MS4A1: variants seen among roughly 807,000 people sequenced by gnomAD.
MS4A1 encodes the protein B-lymphocyte antigen CD20.
In MS4A1, 16 loss-of-function variants were observed where a neutral mutation model predicts 26.5. That is an observed-to-expected ratio of 0.60 (90% CI 0.41 to 0.92). The LOEUF (loss-of-function observed/expected upper bound fraction) is 0.92, where lower values mean the gene tolerates loss of function less well. Among genes scored for constraint, MS4A1 ranks in the 40% least tolerant of loss-of-function variants. The pLI is 0.00. For synonymous variants in MS4A1, 128 were observed against 117.6 expected, an observed-to-expected ratio of 1.09 and a Z score of -0.57; for missense variants, 350 against 353.0, an observed-to-expected ratio of 0.99 and a Z score of 0.07.
chr11:60,466,923 T>C (rs761702863), intron 6 of MS4A1, 36 bp from the exon 7 acceptor site: 4 of 1,582,924 alleles, frequency 2.5e-6, no homozygotes, highest in Admixed American at 1.7e-5. Flanking sequence ...TGTGCCATTA[T>C]TACATTTTCA....
chr11:60,464,860 A>C (rs1404024113), intron 5 of MS4A1, among the ~76,000 whole-genome samples: 4 of 152,178 alleles, frequency 2.6e-5, no homozygotes, highest in Non-Finnish European at 5.9e-5. Context: ...AAAGTACTAC[A>C]CTGTGGTCTT....
Position 60,462,391 on chromosome 11 carries a change from A to G in MS4A1, c.17A>G (p.Asn6Ser), listed in dbSNP as rs1483638139. The G allele has an allele frequency of 6.2e-7, 1 of 1,614,146 alleles. No individual in the cohort carries two copies. The highest frequency in any genetic ancestry group is 8.5e-7 in the Non-Finnish European group (1 of 1,180,020). The change falls in exon 3 of 8, where the codon AAT becomes AGT. Residue 6 changes from asparagine (N) to serine (S), a missense_variant. Physicochemically the swap from Asn to Ser is conservative, Grantham distance 46 (BLOSUM62 1). Transcript: ENST00000345732. Reference protein sequence around the residue: MTTPRNSVNGTFPAEP... With the variant: MTTPRSSVNGTFPAEP... ...GAGAGCAAAATGACAACACCCAGAA[A>G]TTCAGTAAATGGGACTTTCCCGGCA... is the stretch of plus-strand genomic sequence containing the variant.
chr11:60,464,385 G>A, intron 5 of MS4A1, 41 bp downstream of exon 5: 1 of 1,590,688 alleles, frequency 6.3e-7, no homozygotes, highest in Non-Finnish European at 8.6e-7. Context: ...TGTCAGAGAA[G>A]TACCTATTTT....
At chr11:60,458,568 C>T (rs753949036) in intron 1 of MS4A1, among the ~76,000 whole-genome samples, 10 of 152,272 alleles carry the variant, frequency 6.6e-5, no homozygotes, top group South Asian at 4.2e-4. Context: ...TATCATATTG[C>T]GGCTAATGTG....
chr11:60,462,036 G>A (rs2086251995), intron 2 of MS4A1, 149 bp from the exon 3 acceptor site: 2 of 388,542 alleles, frequency 5.1e-6, no homozygotes, highest in Admixed American at 7.3e-5. Flanking sequence ...AAGCATCCAG[G>A]AATAAGAAAC....
chr11:60,466,550 C>T (rs1049785657), intron 6 of MS4A1: 6 of 315,194 alleles, frequency 1.9e-5, no homozygotes, highest in African/African-American at 8.6e-5. Flanking sequence ...TATCTTTTGC[C>T]CAAGGACTTT....
In MS4A1 at chr11:60,469,411, C is replaced by A. The variant is rs1030479355; in HGVS notation, c.*943C>A. On this transcript the variant is annotated 3_prime_UTR_variant, in exon 8 of 8. Coordinates refer to ENST00000345732, the MANE Select transcript of MS4A1 (RefSeq NM_152866.3). ...AGTCATAACTAGTAATTATGAGAGC[C>A]TTGTTTCATAACCAGGTCTTCTTAC... The A allele has an allele frequency of 1.3e-5, 2 of 152,078 alleles. No individual in the cohort carries two copies. Among genetic ancestry groups the A allele is most frequent in the Admixed American group, 6.5e-5 (1 of 15,280 alleles). 9.4% of individuals were successfully genotyped at this position (152,078 alleles called of 1,614,324 possible).
chr11:60,462,897 C>A, intron 3 of MS4A1, 105 bp from the exon 4 acceptor site: 1 of 1,537,392 alleles, frequency 6.5e-7, no homozygotes, highest in Non-Finnish European at 8.9e-7. Context: ...TTCCTTTAGG[C>A]ATTCCTCACA....
chr11:60,466,521 A>C, intron 6 of MS4A1: 1 of 332,692 alleles, frequency 3.0e-6, no homozygotes, highest in Non-Finnish European at 5.6e-6. Flanking sequence ...CATAGAAGAA[A>C]TTCCTAAGAT....
chr11:60,461,483 G>T (rs1468050035), intron 2 of MS4A1, among the ~76,000 whole-genome samples: 1 of 151,634 alleles, frequency 6.6e-6, no homozygotes, highest in Non-Finnish European at 1.5e-5. Context: ...GACTCAGGAG[G>T]CCACAGTCTT....
chr11:60,464,181 A>G, intron 4 of MS4A1, 107 bp from the exon 5 acceptor site: 1 of 787,164 alleles, frequency 1.3e-6, no homozygotes. Flanking sequence ...CTGAAAGTGT[A>G]GGCTTCTTTC....
Position 60,467,051 on chromosome 11 carries a change from A to G in MS4A1, c.666A>G (p.Arg222=), listed in dbSNP as rs202117565. ...VENEWKRTCS[R]PKSNIVLLSA... The stretch of plus-strand genomic sequence containing the variant: ...ATGAATGGAAAAGAACGTGCTCCAG[A>G]CCCAAATCTGTAAGTAGTAGCCCCT... The change falls in exon 7 of 8, where the codon AGA becomes AGG. Residue 222 remains arginine, a synonymous_variant. Coordinates refer to ENST00000345732, the MANE Select transcript of MS4A1 (RefSeq NM_152866.3). 24 of 1,614,032 alleles carry G rather than the reference A, an allele frequency of 1.5e-5. 1 individual carries two copies. The Middle Eastern group carries it at 2.3e-3, about 155-fold the overall frequency.
At chr11:60,463,354 C>T (rs561645373) in intron 4 of MS4A1, among the ~76,000 whole-genome samples, 1 of 152,312 alleles carries the variant, frequency 6.6e-6, no homozygotes, top group Non-Finnish European at 1.5e-5. Flanking sequence ...ATGGATCTCA[C>T]AGGGACTGTC....
chr11:60,465,408 G>A (rs932813584), intron 5 of MS4A1, among the ~76,000 whole-genome samples: 1 of 152,128 alleles, frequency 6.6e-6, no homozygotes, highest in Non-Finnish European at 1.5e-5. Flanking sequence ...TGTTGCTTCT[G>A]CTTTTTTTAT....
Position 60,470,006 on chromosome 11 carries a change from T to A in MS4A1, c.*1538T>A, listed in dbSNP as rs550507758. On this transcript the variant is annotated 3_prime_UTR_variant, in exon 8 of 8. Transcript: ENST00000345732. Reference sequence around the variant, plus strand: ...ATAGAAGATTTCTGTCTATGTAAAGTTCTCAAAATTTGTTCTAAATTAATA... The same window carrying A: ...ATAGAAGATTTCTGTCTATGTAAAGATCTCAAAATTTGTTCTAAATTAATA... The A allele has an allele frequency of 6.6e-6, 1 of 152,234 alleles. No individual in the cohort carries two copies. The highest frequency in any genetic ancestry group is 2.1e-4 in the South Asian group (1 of 4,830). The allele number at this position is 152,234 out of a possible 1,614,324, so 9.4% of individuals were successfully genotyped here. A position where few individuals can be genotyped will look rare whatever the true frequency, so the allele number is the denominator to read the frequency against.
chr11:60,464,241 T>C, intron 4 of MS4A1, 47 bp from the exon 5 acceptor site: 1 of 1,378,848 alleles, frequency 7.3e-7, no homozygotes, highest in Non-Finnish European at 1.0e-6. Context: ...CTCTATCTCC[T>C]GTCTTGCCCA....
rs774350658 is a variant in MS4A1 at position 60,468,366 on chromosome 11, T to G, written c.792T>G (p.Ile264Met). The G allele has an allele frequency of 1.2e-5, 20 of 1,613,972 alleles. No homozygotes were observed. In the South Asian group the frequency reaches 1.9e-4, roughly 15 times the overall value. The change falls in exon 8 of 8, where the codon ATT (isoleucine) becomes ATG (methionine). Residue 264 changes from isoleucine to methionine, a missense_variant. Transcript: ENST00000345732. Reference sequence around the variant, plus strand: ...CAAAGAATGAAGAAGACATTGAAATTATTCCAATCCAAGAAGAGGAAGAAG... The same window carrying G: ...CAAAGAATGAAGAAGACATTGAAATGATTCCAATCCAAGAAGAGGAAGAAG... ...SQPKNEEDIE[I>M]IPIQEEEEEE...
At chr11:60,456,073 C>A (rs2086200886) in intron 1 of MS4A1, 128 bp downstream of exon 1, 1 of 152,178 alleles carries the variant, frequency 6.6e-6, no homozygotes, top group Admixed American at 6.5e-5. Context: ...CCTAATAGTT[C>A]TATGACTTAA....
chr11:60,466,269 T>C, intron 6 of MS4A1, 112 bp downstream of exon 6: 1 of 893,268 alleles, frequency 1.1e-6, no homozygotes, highest in Non-Finnish European at 1.9e-6. Flanking sequence ...CTAGTTACTG[T>C]CTGTGTGGCT....
Sources: allele counts gnomAD v4.1 joint callset (sites outside exome capture counted in the v4.1 genomes callset), GRCh38; gene constraint gnomAD v4.1.1; transcripts MANE v1.5; gene names NCBI Gene and HGNC (gene_info 2026-07-23, HGNC 2026-07-21).